Variants in TCF25 observed in about 807,000 individuals in gnomAD.
The protein encoded by TCF25 is ribosome quality control complex subunit TCF25.
A neutral mutation model predicts 83.1 loss-of-function variants in TCF25; 41 were observed. The observed-to-expected ratio is 0.49, with a 90% CI of 0.38 to 0.64. TCF25 has a LOEUF of 0.64. Ranked by LOEUF, TCF25 falls within the 30% of genes least tolerant of loss-of-function variation. The pLI is 0.00. For missense variants in TCF25, 979 were observed against 914.5 expected (o/e 1.07, Z -0.91); for synonymous variants, 458 against 365.0 (o/e 1.25, Z -2.90).
intron 1 of TCF25, 65 bp downstream of exon 1, chr16:89,873,924 T>A: frequency 7.3e-7 from 1 of 1,370,414 alleles, no homozygotes; most frequent in South Asian, 1.4e-5. Flanking sequence ...GGGGCGAGCG[T>A]CCAGCCGGGT....
Position 89,893,345 on chromosome 16 carries a change from GC to G in TCF25, c.698-381del, listed in dbSNP as rs1027853719. Among the ~76,000 whole-genome samples the G allele has an allele frequency of 7.9e-5, 12 of 152,354 alleles. 1 individual carries two copies. Among genetic ancestry groups the G allele is most frequent in the Middle Eastern group, 6.8e-3 (2 of 294 alleles). ...CGCACTCCAACCCTGTCCTTCCACA[GC>G]CACCCCGGACATTCTCCTCAATCAG... On this transcript the variant is annotated intron_variant, in intron 6 of 17. Coordinates refer to ENST00000263346, the MANE Select transcript of TCF25 (RefSeq NM_014972.3).
At chr16:89,903,310 C>G (rs1011874727) in intron 12 of TCF25, among the ~76,000 whole-genome samples, 2 of 152,258 alleles carry the variant, frequency 1.3e-5, no homozygotes, top group African/African-American at 4.8e-5. Flanking sequence ...GCAGTGCTGG[C>G]TCTTCCACTG....
chr16:89,889,826 A>T (rs977359709), intron 5 of TCF25: 1 of 152,392 alleles, frequency 6.6e-6, no homozygotes, highest in African/African-American at 2.4e-5. Context: ...CTGGGATTAC[A>T]GGTGTGAGCC....
chr16:89,878,279 C>CAA (rs34906385), intron 1 of TCF25, among the ~76,000 whole-genome samples: 5 of 113,660 alleles, frequency 4.4e-5, no homozygotes, highest in African/African-American at 1.4e-4. Context: ...GACCCTGTCT[C>CAA]AAAAAAAAAA....
At chr16:89,895,762 G>A (rs2043803122) in intron 8 of TCF25, among the ~76,000 whole-genome samples, 1 of 152,214 alleles carries the variant, frequency 6.6e-6, no homozygotes, top group African/African-American at 2.4e-5. Flanking sequence ...CAGCAGTTGT[G>A]CCTCATGGTG....
chr16:89,875,342 T>C, intron 1 of TCF25, among the ~76,000 whole-genome samples: 1 of 152,106 alleles, frequency 6.6e-6, no homozygotes. Context: ...GTTTGGACAG[T>C]CTTTTTGCTC....
chr16:89,907,908 C>T (rs1184720290), intron 16 of TCF25, among the ~76,000 whole-genome samples: 4 of 138,386 alleles, frequency 2.9e-5, no homozygotes, highest in African/African-American at 2.9e-5. Context: ...CCTCCCACCT[C>T]CCAGCTCCTG....
At chr16:89,903,386 A>T (rs1474125964) in intron 12 of TCF25, among the ~76,000 whole-genome samples, 1 of 152,012 alleles carries the variant, frequency 6.6e-6, no homozygotes, top group East Asian at 1.9e-4. Context: ...AAAACATCCA[A>T]CCGGCCGGGC....
intron 9 of TCF25, among the ~76,000 whole-genome samples, chr16:89,896,481 G>A (rs1183557656): frequency 6.6e-6 from 1 of 152,116 alleles, no homozygotes; most frequent in Non-Finnish European, 1.5e-5. Context: ...GCCGAGGTGG[G>A]AGGGTTGCTT....
chr16:89,896,212 C>T (rs951083999), intron 9 of TCF25, 129 bp downstream of exon 9: 1 of 723,574 alleles, frequency 1.4e-6, no homozygotes, highest in East Asian at 2.7e-5. Flanking sequence ...TCCAGAGTGA[C>T]CCACCTTCCT....
intron 16 of TCF25, among the ~76,000 whole-genome samples, chr16:89,907,613 CCTCCCAG>C (rs1406579382): frequency 2.1e-4 from 27 of 128,962 alleles, no homozygotes; most frequent in African/African-American, 6.8e-4. Context: ...CCAGCTCCCA[CCTCCCAG>C]CTCCCGCCTC....
chr16:89,886,271 C>T (rs946502482), intron 4 of TCF25: 5 of 366,636 alleles, frequency 1.4e-5, no homozygotes, highest in South Asian at 8.4e-5. Flanking sequence ...ACTAAAAATA[C>T]AAAAAATTAG....
At chr16:89,902,506 G>A (rs1422491936) in intron 12 of TCF25, among the ~76,000 whole-genome samples, 4 of 138,124 alleles carry the variant, frequency 2.9e-5, no homozygotes, top group African/African-American at 5.2e-5. Context: ...TGACTAACAC[G>A]GTGAAACCAC....
At chr16:89,877,475 C>G (rs965106083) in intron 1 of TCF25, among the ~76,000 whole-genome samples, 2 of 152,138 alleles carry the variant, frequency 1.3e-5, no homozygotes, top group South Asian at 2.1e-4. Context: ...AAATAGCAAC[C>G]TATCAAAATT....
chr16:89,882,540 AAGAG>A (rs34675950), intron 1 of TCF25, among the ~76,000 whole-genome samples: 5 of 152,126 alleles, frequency 3.3e-5, no homozygotes, highest in Admixed American at 6.6e-5. Context: ...CTGTCTCAAA[AAGAG>A]AGAGAGAAGG....
chr16:89,893,607 A>G, intron 6 of TCF25, 121 bp from the exon 7 acceptor site: 3 of 1,488,524 alleles, frequency 2.0e-6, no homozygotes, highest in Middle Eastern at 2.4e-4. Flanking sequence ...GTACACACTC[A>G]GGTCAAGTTT....
At chr16:89,886,827 C>G (rs1045452817) in intron 4 of TCF25, among the ~76,000 whole-genome samples, 10 of 152,016 alleles carry the variant, frequency 6.6e-5, no homozygotes, top group African/African-American at 2.4e-4. Flanking sequence ...ATCCCAGCCA[C>G]TCAGGAGGCT....
rs1308642275 is a variant in TCF25 at position 89,900,725 on chromosome 16, T to G, written c.1312T>G (p.Cys438Gly). 6.2e-7 allele frequency: 1 copy of G among 1,604,854 alleles called. No individual in the cohort carries two copies. Among genetic ancestry groups the G allele is most frequent in the African/African-American group, 1.3e-5 (1 of 74,786 alleles). ...LLSQQTDLPE[C>G]EQSSARQKAS... ...GAGCCAGCAGACAGACCTCCCTGAG[T>G]GTGAGCAGAGCTCTGCCAGGCAGAA... The change falls in exon 12 of 18, where the codon TGT becomes GGT. Residue 438 changes from cysteine (C) to glycine (G), a missense_variant. Cys to Gly is a radical substitution (Grantham distance 159). Coordinates refer to ENST00000263346, the MANE Select transcript of TCF25 (RefSeq NM_014972.3).
intron 16 of TCF25, among the ~76,000 whole-genome samples, chr16:89,908,664 C>G (rs1435479487): frequency 7.3e-6 from 1 of 136,754 alleles, no homozygotes; most frequent in Non-Finnish European, 1.6e-5. Flanking sequence ...CCTCCCAGCT[C>G]CCACCTCCCT....
Sources: gnomAD v4.1 joint callset for allele counts (sites outside exome capture counted in the v4.1 genomes callset) on GRCh38, gnomAD v4.1.1 for gene constraint, MANE v1.5 for transcripts, NCBI Gene and HGNC (gene_info 2026-07-23, HGNC 2026-07-21) for gene names.